CSMD1: variants seen among roughly 807,000 people sequenced by gnomAD.
CSMD1 encodes CUB and sushi domain-containing protein 1.
CSMD1 carries 213 observed loss-of-function variants against 417.5 expected under a neutral mutation model. The ratio of observed to expected loss-of-function variants is 0.51; its 90% confidence interval spans 0.46 to 0.57. The LOEUF is 0.57. CSMD1 is among the 20% of genes least tolerant of loss of function. The pLI is 0.00. For synonymous variants in CSMD1, 2,862 were observed against 1,736.8 expected (o/e 1.65, Z -16.11); for missense variants, 6,923 against 4,529.7 (o/e 1.53, Z -15.17).
intron 26 of CSMD1, among the ~76,000 whole-genome samples, chr8:3,240,665 A>G (rs957960132): frequency 1.3e-5 from 2 of 152,106 alleles, no homozygotes; most frequent in African/African-American, 4.8e-5. Context: ...GGCTGGAATG[A>G]AAGGCGCAAA....
intron 5 of CSMD1, among the ~76,000 whole-genome samples, chr8:3,845,160 T>C (rs1169577736): frequency 2.6e-5 from 4 of 152,138 alleles, no homozygotes; most frequent in African/African-American, 9.7e-5. Context: ...AGGAAGACAG[T>C]TTATGGGAAT....
intron 7 of CSMD1, among the ~76,000 whole-genome samples, chr8:3,678,163 A>G (rs1799476489): frequency 6.6e-6 from 1 of 152,232 alleles, no homozygotes; most frequent in Non-Finnish European, 1.5e-5. Flanking sequence ...GCTCCTCACC[A>G]GCAACAGAAC....
intron 1 of CSMD1, among the ~76,000 whole-genome samples, chr8:4,799,950 A>G (rs11777650): frequency 0.42 from 63,077 of 151,988 alleles, 14,304 homozygotes; most frequent in Non-Finnish European, 0.51. Flanking sequence ...ACCCTCGAAC[A>G]TGCAGACTAC....
intron 6 of CSMD1, among the ~76,000 whole-genome samples, chr8:3,737,014 G>A (rs950531879): frequency 1.3e-5 from 2 of 152,278 alleles, no homozygotes; most frequent in East Asian, 1.9e-4. Flanking sequence ...TTCAGCACAC[G>A]ACTGTGGTTA....
chr8:3,053,926 T>C (rs902892897), intron 49 of CSMD1, among the ~76,000 whole-genome samples: 3 of 152,224 alleles, frequency 2.0e-5, no homozygotes, highest in Non-Finnish European at 2.9e-5. Context: ...GTTCAAATTT[T>C]TCCCATGTAG....
chr8:4,448,574 C>A (rs1014642341), intron 2 of CSMD1, among the ~76,000 whole-genome samples: 1 of 152,158 alleles, frequency 6.6e-6, no homozygotes, highest in Non-Finnish European at 1.5e-5. Context: ...ATTTTTCCTT[C>A]CTGTATTGTG....
chr8:3,889,550 T>C (rs887153705), intron 5 of CSMD1, among the ~76,000 whole-genome samples: 1 of 85,952 alleles, frequency 1.2e-5, no homozygotes, highest in East Asian at 4.0e-4. Context: ...CATATGTGTA[T>C]ATGTGTGTCT....
chr8:4,029,573 C>T (rs894871230), intron 4 of CSMD1, among the ~76,000 whole-genome samples: 1 of 152,122 alleles, frequency 6.6e-6, no homozygotes, highest in African/African-American at 2.4e-5. Flanking sequence ...CACTGGCTTC[C>T]TCCCACATGT....
At chr8:3,042,550 C>T (rs1002659026) in intron 50 of CSMD1, among the ~76,000 whole-genome samples, 18 of 152,208 alleles carry the variant, frequency 1.2e-4, no homozygotes, top group Admixed American at 2.0e-4. Context: ...GAAAGCGGGA[C>T]GGGCACTTTA....
At chr8:3,189,832 G>C in intron 34 of CSMD1, 80 bp downstream of exon 34, 1 of 1,309,520 alleles carries the variant, frequency 7.6e-7, no homozygotes, top group Non-Finnish European at 1.1e-6. Context: ...GATTTACGTA[G>C]CCTGGATAGA....
At chr8:4,602,579 G>A (rs1023449058) in intron 2 of CSMD1, among the ~76,000 whole-genome samples, 4 of 152,116 alleles carry the variant, frequency 2.6e-5, no homozygotes, top group Admixed American at 6.5e-5. Context: ...ACTCTTTAAC[G>A]TGCCTACAAG....
At chr8:4,739,890 G>A (rs187790914) in intron 1 of CSMD1, among the ~76,000 whole-genome samples, 1 of 152,154 alleles carries the variant, frequency 6.6e-6, no homozygotes, top group East Asian at 1.9e-4. Flanking sequence ...ACTCAGCATT[G>A]ACAGCCGTTT....
Position 3,990,891 on chromosome 8 carries a change from G to T in CSMD1, c.818+7012C>A, listed in dbSNP as rs879738359. Among the ~76,000 whole-genome samples, 6 of 152,156 alleles carry T rather than the reference G, an allele frequency of 3.9e-5. No individual in the cohort carries two copies. In the East Asian group the frequency reaches 1.2e-3, roughly 30 times the overall value. ...AGAGCCACCTTCTTTGCTCCTGGAG[G>T]TCCATTCTGACGTGAAAGACCCTTC... On this transcript the variant is annotated intron_variant, in intron 5 of 69. Transcript: ENST00000635120.
intron 5 of CSMD1, among the ~76,000 whole-genome samples, chr8:3,910,241 G>A (rs931832642): frequency 4.6e-5 from 7 of 152,116 alleles, no homozygotes; most frequent in African/African-American, 1.2e-4. Flanking sequence ...GGGGTGGGGA[G>A]GAAAATATGT....
intron 37 of CSMD1, among the ~76,000 whole-genome samples, chr8:3,175,981 T>G (rs1202440947): frequency 6.6e-6 from 1 of 152,162 alleles, no homozygotes; most frequent in Non-Finnish European, 1.5e-5. Context: ...AACAGTCTTT[T>G]GCTTGAGTTC....
intron 5 of CSMD1, among the ~76,000 whole-genome samples, chr8:3,950,262 T>C (rs139735088): frequency 7.7e-4 from 117 of 152,310 alleles, no homozygotes; most frequent in African/African-American, 2.3e-3. Context: ...AGTAGTTTGA[T>C]ACTTAAACAC....
At chr8:3,584,225 G>C (rs1025776650) in intron 9 of CSMD1, among the ~76,000 whole-genome samples, 2 of 152,128 alleles carry the variant, frequency 1.3e-5, no homozygotes, top group Non-Finnish European at 2.9e-5. Context: ...TCATCAGTAA[G>C]AACAGAAGAT....
At chr8:3,785,575 G>C (rs185606049) in intron 5 of CSMD1, among the ~76,000 whole-genome samples, 10 of 152,342 alleles carry the variant, frequency 6.6e-5, no homozygotes, top group Middle Eastern at 3.4e-3. Flanking sequence ...GCGGTGCTAA[G>C]AACACTTAAT....
At chr8:4,391,406 G>A (rs1281543411) in intron 3 of CSMD1, among the ~76,000 whole-genome samples, 1 of 152,070 alleles carries the variant, frequency 6.6e-6, no homozygotes, top group East Asian at 1.9e-4. Context: ...TTGAAGACTA[G>A]GCTTTCAGAG....
Sources: allele counts gnomAD v4.1 joint callset (sites outside exome capture counted in the v4.1 genomes callset), GRCh38; gene constraint gnomAD v4.1.1; transcripts MANE v1.5; gene names NCBI Gene and HGNC (gene_info 2026-07-23, HGNC 2026-07-21).